Variants in PCDHA12 observed in about 807,000 individuals in gnomAD.
The protein encoded by PCDHA12 is protocadherin alpha-12.
A neutral mutation model predicts 60.0 loss-of-function variants in PCDHA12; 44 were observed. That is an observed-to-expected ratio of 0.73 (90% CI 0.58 to 0.94). The LOEUF (loss-of-function observed/expected upper bound fraction) is 0.94. Among genes scored for constraint, PCDHA12 ranks in the 40% least tolerant of loss-of-function variants. The pLI, the probability that PCDHA12 is intolerant of heterozygous loss-of-function variation, is 0.00. For missense variants in PCDHA12, 1,276 were observed against 1,239.7 expected (o/e 1.03, Z -0.44); for synonymous variants, 569 against 553.0 (o/e 1.03, Z -0.40).
intron 3 of PCDHA12, 94 bp from the exon 4 acceptor site, chr5:141,009,533 G>C: frequency 1.3e-6 from 2 of 1,509,446 alleles, no homozygotes; most frequent in Non-Finnish European, 1.8e-6. Context: ...GGGAGGTTCA[G>C]CCTGCCTATG....
chr5:140,932,790 A>G (rs917083739), intron 1 of PCDHA12, among the ~76,000 whole-genome samples: 21 of 152,066 alleles, frequency 1.4e-4, no homozygotes, highest in African/African-American at 5.1e-4. Flanking sequence ...GACATAAGAG[A>G]AAAGCAATAC....
At chr5:140,957,641 T>G (rs1554223056) in intron 1 of PCDHA12, among the ~76,000 whole-genome samples, 1 of 152,110 alleles carries the variant, frequency 6.6e-6, no homozygotes, top group African/African-American at 2.4e-5. Flanking sequence ...AGAAATGCAC[T>G]TAAATATTCA....
At chr5:140,920,412 ACAGCTGTTCTC>A (rs1294144005) in intron 1 of PCDHA12, among the ~76,000 whole-genome samples, 2 of 152,146 alleles carry the variant, frequency 1.3e-5, no homozygotes, top group African/African-American at 4.8e-5. Context: ...TTAATCAGAT[ACAGCTGTTCTC>A]CCACACACCT....
At chr5:140,885,050 C>T (rs1183142093) in intron 1 of PCDHA12, among the ~76,000 whole-genome samples, 3 of 152,164 alleles carry the variant, frequency 2.0e-5, no homozygotes, top group African/African-American at 7.2e-5. Context: ...TTAATGTATA[C>T]ATATACCCAC....
At chr5:140,940,572 C>G (rs1315567614) in intron 1 of PCDHA12, among the ~76,000 whole-genome samples, 1 of 152,096 alleles carries the variant, frequency 6.6e-6, no homozygotes, top group African/African-American at 2.4e-5. Context: ...CCTTGGCTCC[C>G]AAAGTGTTGG....
chr5:140,912,260 C>T (rs1451576363), intron 1 of PCDHA12, among the ~76,000 whole-genome samples: 2 of 152,160 alleles, frequency 1.3e-5, no homozygotes, highest in African/African-American at 4.8e-5. Context: ...TTTGATGACA[C>T]CCTCACAGAT....
chr5:140,982,483 A>G lies in PCDHA12; in HGVS notation c.2435A>G (p.His812Arg). Residue 812 changes from histidine (H) to arginine (R), a missense_variant, in exon 3 of 4, where the codon CAC (histidine) becomes CGC (arginine). His to Arg is a conservative substitution (Grantham distance 29, BLOSUM62 0). Transcript: ENST00000398631. ...SLRAGMHSSV[H>R]LEEAGILRAG... ...TCTGTGTGTTTATTCAGCTCTGTGC[A>G]CCTAGAGGAGGCTGGCATTCTACGG... The G allele has an allele frequency of 1.2e-6, 2 of 1,614,142 alleles. No homozygotes were observed. Among genetic ancestry groups the G allele is most frequent in the Non-Finnish European group, 1.7e-6 (2 of 1,180,016 alleles).
intron 1 of PCDHA12, among the ~76,000 whole-genome samples, chr5:140,947,079 C>T (rs2094082344): frequency 6.6e-6 from 1 of 151,398 alleles, no homozygotes; most frequent in Non-Finnish European, 1.5e-5. Context: ...TGTATTGAAA[C>T]ATCAGACTGT....
At chr5:140,883,477 C>T (rs2059632046) in intron 1 of PCDHA12, 2 of 1,614,054 alleles carry the variant, frequency 1.2e-6, no homozygotes, top group Non-Finnish European at 1.7e-6. Flanking sequence ...CCTACAAGAA[C>T]TACTACTCAT....
At chr5:140,881,559 C>A (rs1293330721) in intron 1 of PCDHA12, among the ~76,000 whole-genome samples, 1 of 152,174 alleles carries the variant, frequency 6.6e-6, no homozygotes, top group East Asian at 1.9e-4. Context: ...ATATAAATAT[C>A]TTATCTACAT....
chr5:140,909,134 C>A (rs1337385284), intron 1 of PCDHA12, among the ~76,000 whole-genome samples: 3 of 152,140 alleles, frequency 2.0e-5, no homozygotes, highest in Non-Finnish European at 4.4e-5. Flanking sequence ...AGGTAATGAA[C>A]CAGTGTGATA....
At chr5:140,952,721 G>A (rs781821007) in intron 1 of PCDHA12, among the ~76,000 whole-genome samples, 1 of 152,100 alleles carries the variant, frequency 6.6e-6, no homozygotes, top group Non-Finnish European at 1.5e-5. Context: ...TCAATTTTCT[G>A]TACTAGTCTT....
intron 1 of PCDHA12, chr5:140,882,902 C>T (rs1554176043): frequency 6.2e-7 from 1 of 1,614,196 alleles, no homozygotes; most frequent in Admixed American, 1.7e-5. Flanking sequence ...TAGTTTATTA[C>T]TGACAGCCAG....
intron 1 of PCDHA12, among the ~76,000 whole-genome samples, chr5:140,978,171 G>C (rs1386184793): frequency 6.6e-6 from 1 of 152,186 alleles, no homozygotes; most frequent in Non-Finnish European, 1.5e-5. Context: ...AGAGTTTGTA[G>C]AGAGAGGGCA....
intron 1 of PCDHA12, among the ~76,000 whole-genome samples, chr5:140,947,834 A>G (rs2094182215): frequency 6.6e-6 from 1 of 151,584 alleles, no homozygotes; most frequent in Non-Finnish European, 1.5e-5. Flanking sequence ...CAATATTAAT[A>G]TTTGTTTATT....
rs1554169418 is a variant in PCDHA12, at chr5:140,877,179, G to A, written c.1707G>A (p.Pro569=). 5.0e-6 allele frequency: 8 copies of A among 1,613,712 alleles called. No individual in the cohort carries two copies. Among genetic ancestry groups the A allele is most frequent in the East Asian group, 2.2e-5 (1 of 44,868 alleles). The change falls in exon 1 of 4, where the codon CCG becomes CCA. Residue 569 remains proline (P), a synonymous_variant. Transcript: ENST00000398631. ...NDNAPALLAT[P]AGSAGGAVSE... is the part of the protein sequence containing the mutation. ...ACGCGCCGGCACTGCTGGCGACTCCGGCTGGCAGCGCAGGAGGCGCAGTTA... is the reference window on the plus strand; with the variant it reads ...ACGCGCCGGCACTGCTGGCGACTCCAGCTGGCAGCGCAGGAGGCGCAGTTA...
intron 1 of PCDHA12, among the ~76,000 whole-genome samples, chr5:140,956,087 C>T (rs2095255787): frequency 6.6e-6 from 1 of 152,178 alleles, no homozygotes; most frequent in Admixed American, 6.5e-5. Context: ...ATCATGTCAT[C>T]TGCAAACAAA....
intron 1 of PCDHA12, among the ~76,000 whole-genome samples, chr5:140,958,345 C>G (rs1220590485): frequency 6.6e-6 from 1 of 152,044 alleles, no homozygotes; most frequent in African/African-American, 2.4e-5. Flanking sequence ...ACAGGAAGTT[C>G]ACAGTCTGAC....
chr5:140,981,943 G>A (rs1207723761), intron 2 of PCDHA12, among the ~76,000 whole-genome samples: 2 of 152,116 alleles, frequency 1.3e-5, no homozygotes, highest in Non-Finnish European at 2.9e-5. Flanking sequence ...GGAAATATAG[G>A]GTGGGTCATC....
Sources: gnomAD v4.1 joint callset for allele counts (sites outside exome capture counted in the v4.1 genomes callset) on GRCh38, gnomAD v4.1.1 for gene constraint, MANE v1.5 for transcripts, NCBI Gene and HGNC (gene_info 2026-07-23, HGNC 2026-07-21) for gene names.